The following C12orf60 variants were observed in gnomAD, a reference collection of about 807,000 sequenced individuals.
The protein encoded by C12orf60 is uncharacterized protein C12orf60.
For missense variants in C12orf60, 284 were observed against 283.2 expected, an observed-to-expected ratio of 1.00 and a Z score of -0.02; for synonymous variants, 102 against 94.6, an observed-to-expected ratio of 1.08 and a Z score of -0.45.
chr12:14,805,809 C>A, intron 1 of C12orf60: 1 of 637,564 alleles, frequency 1.6e-6, no homozygotes, highest in Non-Finnish European at 2.6e-6. Context: ...GGTCTAGCAT[C>A]AGCTGATCCA....
At position 14,806,686 on chromosome 12, in the gene C12orf60, C is replaced by T. The variant is rs74068129; in HGVS notation, c.-25+2935C>T. ...AGGAAGTCACTTTGGGCCATATTTC[C>T]AATATGATCGCTGAAAAATAAAATG... On this transcript the variant is annotated intron_variant, in intron 1 of 1. Coordinates refer to ENST00000330828, the MANE Select transcript of C12orf60 (RefSeq NM_175874.4). 2,395 of 1,567,804 alleles carry T rather than the reference C, an allele frequency of 1.5e-3. 30 individuals are homozygous for T. The African/African-American group carries it at 0.03, about 19-fold the overall frequency.
chr12:14,809,079 A>G (rs542655710), intron 1 of C12orf60, among the ~76,000 whole-genome samples: 4 of 152,310 alleles, frequency 2.6e-5, no homozygotes, highest in Non-Finnish European at 4.4e-5. Context: ...AAAATTAGCT[A>G]TATTCCTTTT....
At chr12:14,807,805 G>A (rs967782801) in intron 1 of C12orf60, among the ~76,000 whole-genome samples, 2 of 152,096 alleles carry the variant, frequency 1.3e-5, no homozygotes, top group Admixed American at 6.6e-5. Context: ...AAATAGTATC[G>A]CACTTGGGCA....
At chr12:14,818,138 G>A (rs1950251790) in intron 1 of C12orf60, among the ~76,000 whole-genome samples, 1 of 152,116 alleles carries the variant, frequency 6.6e-6, no homozygotes, top group Non-Finnish European at 1.5e-5. Flanking sequence ...CTTCTTTTGA[G>A]AACTGTCTGT....
chr12:14,808,613 C>T (rs551008063), intron 1 of C12orf60, among the ~76,000 whole-genome samples: 47 of 152,128 alleles, frequency 3.1e-4, no homozygotes, highest in Non-Finnish European at 6.3e-4. Context: ...TCCTCCAAAT[C>T]GTATGGATAT....
chr12:14,808,506 A>G (rs1204908722), intron 1 of C12orf60, among the ~76,000 whole-genome samples: 1 of 152,196 alleles, frequency 6.6e-6, no homozygotes, highest in Non-Finnish European at 1.5e-5. Context: ...GTCTTCTAGC[A>G]CTACGGTTCT....
At chr12:14,818,174 A>AG (rs1169779748) in intron 1 of C12orf60, among the ~76,000 whole-genome samples, 1 of 151,888 alleles carries the variant, frequency 6.6e-6, no homozygotes, top group Non-Finnish European at 1.5e-5. Context: ...ATTTTTTGAT[A>AG]GGGTTGTAAA....
chr12:14,823,093 A>G lies in C12orf60; in HGVS notation c.158A>G (p.Asn53Ser), dbSNP rs1234885510. ...ATCCTTTTGATGGCTGTGAAAAACAATAGTTACATTAAGGATTTTTTTGAG... is the reference window on the plus strand; with the variant it reads ...ATCCTTTTGATGGCTGTGAAAAACAGTAGTTACATTAAGGATTTTTTTGAG... Reference protein sequence around the residue: ...TQILLMAVKNNSYIKDFFEQM... With the variant: ...TQILLMAVKNSSYIKDFFEQM... Residue 53 changes from asparagine (N) to serine (S), a missense_variant, in exon 2 of 2, where the codon AAT becomes AGT. Transcript: ENST00000330828. 3.7e-6 allele frequency: 6 copies of G among 1,614,068 alleles called. No homozygotes were observed. In the Admixed American group the frequency reaches 1.0e-4, roughly 27 times the overall value.
Position 14,823,716 on chromosome 12 carries a change from A to T in C12orf60, c.*43A>T, listed in dbSNP as rs1489192544. On this transcript the variant is annotated 3_prime_UTR_variant, in exon 2 of 2. Coordinates refer to ENST00000330828, the MANE Select transcript of C12orf60 (RefSeq NM_175874.4). ...TCATTTCTGTCAGAAAACTACTTAA[A>T]ATCTTATGGTTTTTCATAGTAGTTT... The T allele has an allele frequency of 2.0e-6, 3 of 1,493,166 alleles. No individual in the cohort carries two copies. Among genetic ancestry groups the T allele is most frequent in the African/African-American group, 2.8e-5 (2 of 71,378 alleles). 92.5% of individuals were successfully genotyped at this position (1,493,166 alleles called of 1,614,324 possible). A position where few individuals can be genotyped will look rare whatever the true frequency, so the allele number is the denominator to read the frequency against.
chr12:14,823,981 G>A lies in C12orf60; in HGVS notation c.*308G>A, dbSNP rs1950345470. 1 of 178,994 alleles carries A rather than the reference G, an allele frequency of 5.6e-6. No individual in the cohort carries two copies. The highest frequency in any genetic ancestry group is 1.2e-5 in the Non-Finnish European group (1 of 85,310). 11.1% of individuals were successfully genotyped at this position (178,994 alleles called of 1,614,324 possible). A position where few individuals can be genotyped will look rare whatever the true frequency, so the allele number is the denominator to read the frequency against. The stretch of plus-strand genomic sequence containing the variant: ...AAAGCATAATTAAAACAACCCTAAA[G>A]TAGTTCCCACTCTTAACTATTCTAT... On this transcript the variant is annotated 3_prime_UTR_variant, in exon 2 of 2. Transcript: ENST00000330828.
At chr12:14,817,753 C>T (rs2137279172) in intron 1 of C12orf60, among the ~76,000 whole-genome samples, 1 of 152,204 alleles carries the variant, frequency 6.6e-6, no homozygotes, top group Non-Finnish European at 1.5e-5. Flanking sequence ...GGGTTGGTTC[C>T]ATGTCTTTGC....
In C12orf60 at chr12:14,803,738, T is replaced by C. The variant is rs1417540986; in HGVS notation, c.-38T>C. ...TCGAGTTGGAGGCATCTTGACTTAGTTGCTGGGAGCCTGGTACGTTGAGCC... is the reference window on the plus strand; with the variant it reads ...TCGAGTTGGAGGCATCTTGACTTAGCTGCTGGGAGCCTGGTACGTTGAGCC... On this transcript the variant is annotated 5_prime_UTR_variant, in exon 1 of 2. Transcript: ENST00000330828. The C allele has an allele frequency of 2.7e-6, 1 of 369,498 alleles. No homozygotes were observed. The highest frequency in any genetic ancestry group is 4.8e-6 in the Non-Finnish European group (1 of 208,028). The allele number at this position is 369,498 out of a possible 1,614,324, so 22.9% of individuals were successfully genotyped here.
In C12orf60 at chr12:14,823,287, G is replaced by C; in HGVS notation, c.352G>C (p.Ala118Pro). 6.2e-7 allele frequency: 1 copy of C among 1,614,100 alleles called. No homozygotes were observed. Among genetic ancestry groups the C allele is most frequent in the Non-Finnish European group, 8.5e-7 (1 of 1,180,014 alleles). The change falls in exon 2 of 2, where the codon GCC (alanine) becomes CCC (proline). Residue 118 changes from alanine (A) to proline (P), a missense_variant. Transcript: ENST00000330828. Reference protein sequence around the residue: ...HQSAKEVFKSAHTPVIISVLN... With the variant: ...HQSAKEVFKSPHTPVIISVLN... ...GTCAGCTAAAGAAGTATTCAAAAGT[G>C]CCCATACGCCAGTCATCATCTCTGT...
Position 14,823,749 on chromosome 12 carries a change from C to A in C12orf60, c.*76C>A. ...GGTTTTTCATAGTAGTTTCTAAGAT[C>A]TTTTGGTGCCAAACATGTGCTATGT... On this transcript the variant is annotated 3_prime_UTR_variant, in exon 2 of 2. Transcript: ENST00000330828. 1 of 1,365,368 alleles carries A rather than the reference C, an allele frequency of 7.3e-7. No individual in the cohort carries two copies. Among genetic ancestry groups the A allele is most frequent in the Non-Finnish European group, 9.8e-7 (1 of 1,021,920 alleles). The allele number at this position is 1,365,368 out of a possible 1,614,324, so 84.6% of individuals were successfully genotyped here.
intron 1 of C12orf60, among the ~76,000 whole-genome samples, chr12:14,819,448 T>C (rs561694649): frequency 1.3e-5 from 2 of 151,508 alleles, no homozygotes; most frequent in South Asian, 4.2e-4. Flanking sequence ...ATTTTGTATG[T>C]AGACATCATG....
chr12:14,806,639 C>A (rs750630915), intron 1 of C12orf60: 2 of 1,610,524 alleles, frequency 1.2e-6, no homozygotes, highest in South Asian at 1.1e-5. Context: ...CTTCTTCCCG[C>A]CTTTTTGGGT....
rs137902339 is a variant in C12orf60 at position 14,819,959 on chromosome 12, A to G, written c.-24-2953A>G. Among the ~76,000 whole-genome samples, 366 of 152,064 alleles carry G rather than the reference A, an allele frequency of 2.4e-3. 1 individual carries two copies. Among genetic ancestry groups the G allele is most frequent in the African/African-American group, 6.5e-3 (271 of 41,520 alleles). On this transcript the variant is annotated intron_variant, in intron 1 of 1. Transcript: ENST00000330828. ...GTATAGAATTGTTATTCTTTTTTAAATGTTTGTTTGAATTCACAAGTGAAA... is the reference window on the plus strand; with the variant it reads ...GTATAGAATTGTTATTCTTTTTTAAGTGTTTGTTTGAATTCACAAGTGAAA...
intron 1 of C12orf60, among the ~76,000 whole-genome samples, chr12:14,810,841 C>G (rs745466940): frequency 6.6e-6 from 1 of 152,110 alleles, no homozygotes; most frequent in Non-Finnish European, 1.5e-5. Context: ...GTTCTGACTC[C>G]CAAAGTGATT....
intron 1 of C12orf60, among the ~76,000 whole-genome samples, chr12:14,821,638 G>A (rs1418320711): frequency 6.6e-6 from 1 of 152,078 alleles, no homozygotes; most frequent in Admixed American, 6.5e-5. Flanking sequence ...TGATGTAATT[G>A]TCATATACAT....
Sources: allele counts gnomAD v4.1 joint callset (sites outside exome capture counted in the v4.1 genomes callset), GRCh38; gene constraint gnomAD v4.1.1; transcripts MANE v1.5; gene names NCBI Gene and HGNC (gene_info 2026-07-23, HGNC 2026-07-21).